The following ACBD6 variants were observed in gnomAD, a reference collection of about 807,000 sequenced individuals.
ACBD6 encodes the protein acyl-CoA binding domain containing 6.
In ACBD6, 28 loss-of-function variants were observed where a neutral mutation model predicts 37.2. The observed-to-expected ratio is 0.75, with a 90% confidence interval of 0.56 to 1.03. The LOEUF (loss-of-function observed/expected upper bound fraction) is 1.03, where lower values mean the gene tolerates loss of function less well. ACBD6 is among the 50% of genes least tolerant of loss of function. ACBD6 has a pLI of 0.00. For missense variants in ACBD6, 340 were observed against 337.4 expected (o/e 1.01, Z -0.06); for synonymous variants, 113 against 126.8 (o/e 0.89, Z 0.73).
chr1:180,275,026 G>A (rs533717296), exon 10 of ACBD6: 1 of 158,078 alleles, frequency 6.3e-6, no homozygotes, highest in Admixed American at 6.4e-5. Context: ...CAGCCCTTGA[G>A]TAAAATAAAA....
chr1:180,353,079 CTTGT>C (rs1209055287), intron 6 of ACBD6, among the ~76,000 whole-genome samples: 4 of 152,126 alleles, frequency 2.6e-5, no homozygotes, highest in South Asian at 2.1e-4. Context: ...CTGATATTAT[CTTGT>C]TTGTTTTTAG....
At chr1:180,431,539 A>C (rs2101998986) in intron 3 of ACBD6, among the ~76,000 whole-genome samples, 2 of 152,306 alleles carry the variant, frequency 1.3e-5, no homozygotes, top group East Asian at 3.9e-4. Context: ...AAAAGTAGAG[A>C]TGATCCCCAA....
intron 6 of ACBD6, among the ~76,000 whole-genome samples, chr1:180,325,733 G>T (rs1418528384): frequency 6.6e-6 from 1 of 152,184 alleles, no homozygotes; most frequent in African/African-American, 2.4e-5. Flanking sequence ...TATTGGAAGA[G>T]AATTGGGTCC....
chr1:180,449,808 T>C (rs1421034915), intron 3 of ACBD6, among the ~76,000 whole-genome samples: 1 of 150,554 alleles, frequency 6.6e-6, no homozygotes, highest in Non-Finnish European at 1.5e-5. Flanking sequence ...AAACACCTAA[T>C]GCAAATGACA....
At chr1:180,415,432 C>A (rs1193041391) in intron 4 of ACBD6, among the ~76,000 whole-genome samples, 1 of 151,128 alleles carries the variant, frequency 6.6e-6, no homozygotes, top group African/African-American at 2.4e-5. Context: ...AAAAAAAACA[C>A]CATGTCTATG....
At chr1:180,346,142 T>C (rs112576785) in intron 6 of ACBD6, among the ~76,000 whole-genome samples, 24,016 of 152,090 alleles carry the variant, frequency 0.16, 1,952 homozygotes, top group Middle Eastern at 0.22. Context: ...TCTAACAAGA[T>C]GGAATTTAAC....
chr1:180,410,075 C>T (rs1317444193), intron 5 of ACBD6, among the ~76,000 whole-genome samples: 1 of 152,246 alleles, frequency 6.6e-6, no homozygotes, highest in African/African-American at 2.4e-5. Flanking sequence ...CAACCAGCCA[C>T]AACATTCCCT....
intron 7 of ACBD6, among the ~76,000 whole-genome samples, chr1:180,312,982 G>C (rs1397083578): frequency 1.3e-5 from 2 of 152,164 alleles, no homozygotes; most frequent in East Asian, 3.8e-4. Flanking sequence ...CTCTTAAAAT[G>C]AGTGTTGAAC....
At chr1:180,385,218 A>T (rs1653806640) in intron 6 of ACBD6, among the ~76,000 whole-genome samples, 1 of 151,852 alleles carries the variant, frequency 6.6e-6, no homozygotes, top group Non-Finnish European at 1.5e-5. Context: ...CATTCTATAC[A>T]TGCAACAAAA....
intron 3 of ACBD6, among the ~76,000 whole-genome samples, chr1:180,457,793 G>GCTT (rs372918235): frequency 7.3e-6 from 1 of 136,614 alleles, no homozygotes; most frequent in Non-Finnish European, 1.6e-5. Context: ...AAAATTAACT[G>GCTT]TTTTTTTTTT....
At chr1:180,304,795 G>A (rs2149285872) in intron 7 of ACBD6, among the ~76,000 whole-genome samples, 1 of 144,938 alleles carries the variant, frequency 6.9e-6, no homozygotes, top group African/African-American at 2.4e-5. Context: ...ACATTGCCAA[G>A]TCAATCCTAA....
intron 1 of ACBD6, among the ~76,000 whole-genome samples, chr1:180,501,230 T>C (rs1427203251): frequency 6.6e-6 from 1 of 152,208 alleles, no homozygotes; most frequent in Non-Finnish European, 1.5e-5. Flanking sequence ...AATTTTTAGA[T>C]TGTATCAAAC....
intron 6 of ACBD6, among the ~76,000 whole-genome samples, chr1:180,324,219 C>T (rs1268099899): frequency 7.2e-5 from 11 of 152,194 alleles, no homozygotes; most frequent in East Asian, 3.9e-4. Context: ...AGTCCATTTA[C>T]ATTCAATGTC....
chr1:180,420,224 C>T (rs1277354732), intron 4 of ACBD6, among the ~76,000 whole-genome samples: 1 of 152,100 alleles, frequency 6.6e-6, no homozygotes, highest in African/African-American at 2.4e-5. Context: ...ATCTTAAAAC[C>T]AACTCTCTGC....
At chr1:180,441,075 G>T (rs1649263262) in intron 3 of ACBD6, among the ~76,000 whole-genome samples, 2 of 152,140 alleles carry the variant, frequency 1.3e-5, no homozygotes, top group South Asian at 2.1e-4. Flanking sequence ...ATACCCAAAA[G>T]AATTGGTAAT....
At chr1:180,398,582 A>G (rs1047166856) in intron 5 of ACBD6, among the ~76,000 whole-genome samples, 1 of 152,248 alleles carries the variant, frequency 6.6e-6, no homozygotes, top group African/African-American at 2.4e-5. Context: ...ATTAGGAGAT[A>G]AAGTACTAAA....
chr1:180,452,408 T>C (rs371764499), intron 3 of ACBD6, among the ~76,000 whole-genome samples: 1 of 151,878 alleles, frequency 6.6e-6, no homozygotes, highest in African/African-American at 2.4e-5. Flanking sequence ...GAGGCGAAGG[T>C]TGTGGTGAGC....
intron 3 of ACBD6, among the ~76,000 whole-genome samples, chr1:180,431,142 A>T (rs1648795352): frequency 6.6e-6 from 1 of 151,608 alleles, no homozygotes. Flanking sequence ...AGTACTTAAG[A>T]GAAGTACGAG....
At chr1:180,470,763 C>A (rs944907337) in intron 3 of ACBD6, among the ~76,000 whole-genome samples, 1 of 152,222 alleles carries the variant, frequency 6.6e-6, no homozygotes, top group Non-Finnish European at 1.5e-5. Context: ...GCTACATCCA[C>A]ATTTCATCAT....
Sources: allele counts gnomAD v4.1 joint callset (sites outside exome capture counted in the v4.1 genomes callset), GRCh38; gene constraint gnomAD v4.1.1; transcripts MANE v1.5; gene names NCBI Gene and HGNC (gene_info 2026-07-23, HGNC 2026-07-21).